GRM4: variants seen among roughly 807,000 people sequenced by gnomAD.
GRM4 encodes the protein glutamate metabotropic receptor 4, also known as metabotropic glutamate receptor 4.
In GRM4, 28 loss-of-function variants were observed where a neutral mutation model predicts 81.7. The ratio of observed to expected loss-of-function variants is 0.34; its 90% CI spans 0.25 to 0.47. GRM4 has a LOEUF of 0.47. Ranked by LOEUF, GRM4 falls within the 20% of genes least tolerant of loss-of-function variation. GRM4 has a pLI of 1.00. For missense variants in GRM4, 948 were observed against 1,290.0 expected, an observed-to-expected ratio of 0.73 and a Z score of 4.06; for synonymous variants, 488 against 528.8, an observed-to-expected ratio of 0.92 and a Z score of 1.06.
At chr6:34,103,533 A>C (rs1419438037) in intron 2 of GRM4, 1 of 1,417,156 alleles carries the variant, frequency 7.1e-7, no homozygotes, top group Admixed American at 2.0e-5. Flanking sequence ...TCAAATCAGC[A>C]CTTGTCCTAT....
At chr6:34,060,102 G>A (rs1413264744) in intron 4 of GRM4, 3 of 152,302 alleles carry the variant, frequency 2.0e-5, no homozygotes, top group Non-Finnish European at 2.9e-5. Flanking sequence ...TGGGACTGGA[G>A]GGCCTGGGCT....
At chr6:34,153,176 C>T (rs555699885) in intron 1 of GRM4, among the ~76,000 whole-genome samples, 1 of 152,320 alleles carries the variant, frequency 6.6e-6, no homozygotes, top group East Asian at 1.9e-4. Context: ...CCGACGCACA[C>T]ACCCAGCTCA....
At chr6:34,032,259 C>T (rs1764474875) in intron 9 of GRM4, among the ~76,000 whole-genome samples, 1 of 152,186 alleles carries the variant, frequency 6.6e-6, no homozygotes, top group African/African-American at 2.4e-5. Context: ...ACCACACATG[C>T]ACCACTGAGC....
intron 2 of GRM4, among the ~76,000 whole-genome samples, chr6:34,124,915 T>C (rs922180312): frequency 7.9e-5 from 12 of 151,808 alleles, no homozygotes; most frequent in Non-Finnish European, 1.6e-4. Flanking sequence ...CATCAGCTCC[T>C]ACCTGGGCTC....
At position 34,035,681 on chromosome 6, in the gene GRM4, T is replaced by C. The variant is rs746461387; in HGVS notation, c.2429A>G (p.Gln810Arg). Residue 810 changes from glutamine to arginine, a missense_variant, in exon 9 of 11, where the codon CAG (glutamine) becomes CGG (arginine). Physicochemically the swap from Gln to Arg is conservative, Grantham distance 43 (BLOSUM62 1). Transcript: ENST00000538487. The surrounding 1 kb of genome is among the most constrained non-coding windows in gnomAD (Gnocchi z 6.6). The stretch of plus-strand genomic sequence containing the variant: ...CCCACCACTCACCTTGTCGGCCGAC[T>C]GCGAGGTGCCAAAGAAGATGGGGAT... ...AFIPIFFGTS[Q>R]SADKLYIQTT... 8 of 1,170,568 alleles carry C rather than the reference T, an allele frequency of 6.8e-6. No individual in the cohort carries two copies. The Admixed American group carries it at 9.7e-5, about 14-fold the overall frequency. 72.5% of individuals were successfully genotyped at this position (1,170,568 alleles called of 1,614,324 possible). A position where few individuals can be genotyped will look rare whatever the true frequency, so the allele number is the denominator to read the frequency against.
At chr6:34,084,133 C>T (rs1215806208) in intron 3 of GRM4, among the ~76,000 whole-genome samples, 16 of 152,212 alleles carry the variant, frequency 1.1e-4, no homozygotes, top group Non-Finnish European at 1.9e-4. Context: ...GAGCCAAGGC[C>T]ATGGAGGGCG....
Position 34,133,058 on chromosome 6 carries a change from G to C in GRM4, c.439C>G (p.Pro147Ala). 6.2e-7 allele frequency: 1 copy of C among 1,613,880 alleles called. No homozygotes were observed. ...GSGGPPIITK[P>A]ERVVGVIGAS... The stretch of plus-strand genomic sequence containing the variant: ...CCGATGACACCCACCACACGTTCAG[G>C]CTTGGTGATGATGGGTGGGCCGCCA... The change falls in exon 2 of 11, where the codon CCT (proline) becomes GCT (alanine). Residue 147 changes from proline (P) to alanine (A), a missense_variant. By Grantham distance (27) the Pro-to-Ala change is conservative. Transcript: ENST00000538487. This position sits in a 1 kb window ranked among gnomAD's most constrained non-coding sequence, Gnocchi z 6.5.
chr6:34,061,878 G>A lies in GRM4; in HGVS notation c.872+15C>T. 6.2e-7 allele frequency: 1 copy of A among 1,604,274 alleles called. No individual in the cohort carries two copies. Among genetic ancestry groups the A allele is most frequent in the Non-Finnish European group, 8.5e-7 (1 of 1,172,504 alleles). The stretch of plus-strand genomic sequence containing the variant: ...CATGGCTCCCGGTGCCCACCCTGCT[G>A]CCACCTGCCCTCACCTGATGTCATC... On this transcript the variant is annotated intron_variant, in intron 4 of 10. Transcript: ENST00000538487.
upstream of GRM4, among the ~76,000 whole-genome samples, chr6:34,150,720 G>GA (rs1447853353): frequency 6.6e-6 from 1 of 152,196 alleles, no homozygotes; most frequent in East Asian, 1.9e-4. Flanking sequence ...GCTGAAGAGG[G>GA]AGGGAATATG....
chr6:34,026,366 C>G (rs1764133304), intron 10 of GRM4, among the ~76,000 whole-genome samples: 1 of 152,130 alleles, frequency 6.6e-6, no homozygotes, highest in Non-Finnish European at 1.5e-5. Context: ...GTGCTGGTTG[C>G]TGCCCTTCAC....
At chr6:34,087,110 G>A (rs1255847028) in intron 3 of GRM4, among the ~76,000 whole-genome samples, 1 of 150,506 alleles carries the variant, frequency 6.6e-6, no homozygotes, top group East Asian at 2.0e-4. Context: ...GGGCAAGAGA[G>A]TGAGACCCAA....
chr6:34,043,424 C>T (rs1266454710), intron 6 of GRM4, among the ~76,000 whole-genome samples: 1 of 152,178 alleles, frequency 6.6e-6, no homozygotes, highest in Non-Finnish European at 1.5e-5. Flanking sequence ...TCCCCGCAGG[C>T]CCCTAGGCCC....
chr6:34,054,881 C>G (rs1765795529), intron 6 of GRM4: 1 of 152,214 alleles, frequency 6.6e-6, no homozygotes. Flanking sequence ...GGGATGCTCT[C>G]AATAATTACA....
At position 34,152,273 on chromosome 6, in the gene GRM4, C is replaced by T. The variant is rs557951334; in HGVS notation, c.312+2806G>A. Among the ~76,000 whole-genome samples the T allele has an allele frequency of 7.9e-5, 12 of 152,276 alleles. No individual in the cohort carries two copies. In the East Asian group the frequency reaches 2.3e-3, roughly 29 times the overall value. On this transcript the variant is annotated intron_variant, in intron 1 of 8. Transcript: ENST00000374177. The surrounding 1 kb of genome is among the most constrained non-coding windows in gnomAD (Gnocchi z 4.1). Reference sequence around the variant, plus strand: ...CCCACCGGCAGAGCCTGGAGGAGCCCGCATCCCACTCAGGCCACCTCCAAG... The same window carrying T: ...CCCACCGGCAGAGCCTGGAGGAGCCTGCATCCCACTCAGGCCACCTCCAAG...
chr6:34,023,092 G>A (rs1763969848), intron 10 of GRM4, among the ~76,000 whole-genome samples: 1 of 152,170 alleles, frequency 6.6e-6, no homozygotes, highest in Admixed American at 6.5e-5. Context: ...CCAGGGACTG[G>A]GCCCATGTTT....
At chr6:34,103,691 G>T in intron 2 of GRM4, 1 of 1,533,700 alleles carries the variant, frequency 6.5e-7, no homozygotes. Flanking sequence ...GCCCCAAGGG[G>T]CACAGCCATG....
Position 34,028,141 on chromosome 6 carries a change from A to G in GRM4, c.2668T>C (p.Cys890Arg). 6.2e-7 allele frequency: 1 copy of G among 1,613,490 alleles called. No homozygotes were observed. The highest frequency in any genetic ancestry group is 8.5e-7 in the Non-Finnish European group (1 of 1,179,740). The change falls in exon 10 of 11, where the codon TGC (cysteine) becomes CGC (arginine). Residue 890 changes from cysteine (C) to arginine (R), a missense_variant. Cys to Arg is a radical substitution (Grantham distance 180). Transcript: ENST00000538487. ...TCACCTGGGGCCTCAAGGTTCTCGC[A>G]GAGCTCAGACTTGGCCTCTCCGTTG... ...RPNGEAKSEL[C>R]ENLEAPALAT...
intron 1 of GRM4, among the ~76,000 whole-genome samples, chr6:34,154,172 T>A (rs1364364345): frequency 6.6e-6 from 1 of 152,204 alleles, no homozygotes; most frequent in Non-Finnish European, 1.5e-5. Flanking sequence ...CAGCCCAGGT[T>A]TCCTCATTGG....
intron 2 of GRM4, chr6:34,102,083 C>A: frequency 6.5e-7 from 1 of 1,535,570 alleles, no homozygotes; most frequent in Non-Finnish European, 8.7e-7. Context: ...TCTCTTGGCG[C>A]CATCATGGGG....
Sources: allele counts gnomAD v4.1 joint callset (sites outside exome capture counted in the v4.1 genomes callset), GRCh38; gene constraint gnomAD v4.1.1; non-coding constraint Gnocchi (gnomAD v3.1); transcripts MANE v1.5; gene names NCBI Gene and HGNC (gene_info 2026-07-23, HGNC 2026-07-21).